Variants in KCNIP4 observed in about 807,000 individuals in gnomAD.
KCNIP4 encodes the protein potassium voltage-gated channel interacting protein 4, also known as Kv channel-interacting protein 4.
Under a neutral mutation model 34.0 loss-of-function variants are expected in KCNIP4, and 12 were observed. The observed-to-expected ratio is 0.35, with a 90% CI of 0.23 to 0.57. The LOEUF (loss-of-function observed/expected upper bound fraction) is 0.57. Ranked by LOEUF, KCNIP4 falls within the 20% of genes least tolerant of loss-of-function variation. The pLI, the probability that KCNIP4 is intolerant of heterozygous loss-of-function variation, is 0.83. For synonymous variants in KCNIP4, 124 were observed against 102.2 expected (o/e 1.21, Z -1.29); for missense variants, 238 against 311.7 (o/e 0.76, Z 1.78).
intron 1 of KCNIP4, among the ~76,000 whole-genome samples, chr4:21,365,835 C>A (rs1322132639): frequency 6.6e-6 from 1 of 152,174 alleles, no homozygotes; most frequent in Non-Finnish European, 1.5e-5. Context: ...CAGTTTTAAG[C>A]AGCTCATATC....
At chr4:21,885,424 C>T (rs1726709078) in intron 1 of KCNIP4, among the ~76,000 whole-genome samples, 2 of 152,180 alleles carry the variant, frequency 1.3e-5, no homozygotes, top group East Asian at 3.9e-4. Context: ...CTAAAAAATG[C>T]AGCCACATCT....
chr4:20,804,195 G>C (rs754595782), intron 3 of KCNIP4, among the ~76,000 whole-genome samples: 3 of 152,088 alleles, frequency 2.0e-5, no homozygotes, highest in Non-Finnish European at 4.4e-5. Flanking sequence ...GCATCAGATA[G>C]GTACTGTTAT....
At chr4:21,825,516 TA>T (rs1478154109) in intron 1 of KCNIP4, among the ~76,000 whole-genome samples, 3 of 152,146 alleles carry the variant, frequency 2.0e-5, no homozygotes, top group Admixed American at 6.6e-5. Flanking sequence ...CTTGTATATA[TA>T]AAGATTTTAT....
At chr4:20,859,560 T>A (rs1052427870) in intron 2 of KCNIP4, among the ~76,000 whole-genome samples, 15 of 152,164 alleles carry the variant, frequency 9.9e-5, no homozygotes. Context: ...GCTGAGTTTG[T>A]CCTAAGTCTG....
chr4:21,659,812 CTG>C (rs1412595997), intron 1 of KCNIP4, among the ~76,000 whole-genome samples: 1 of 152,108 alleles, frequency 6.6e-6, no homozygotes. Context: ...ATTAATCTTC[CTG>C]TGCTCTCATT....
At chr4:21,511,977 A>C (rs1467141920) in intron 1 of KCNIP4, among the ~76,000 whole-genome samples, 1 of 151,968 alleles carries the variant, frequency 6.6e-6, no homozygotes, top group Non-Finnish European at 1.5e-5. Flanking sequence ...GTAAAAGAGA[A>C]AGAAAAAAAG....
At chr4:21,822,227 A>T (rs1038912669) in intron 1 of KCNIP4, among the ~76,000 whole-genome samples, 1 of 152,192 alleles carries the variant, frequency 6.6e-6, no homozygotes, top group Non-Finnish European at 1.5e-5. Flanking sequence ...GCTTTCAGAA[A>T]ATTAAATGGC....
At chr4:21,674,575 A>C (rs1409944149) in intron 1 of KCNIP4, among the ~76,000 whole-genome samples, 1 of 152,182 alleles carries the variant, frequency 6.6e-6, no homozygotes, top group Non-Finnish European at 1.5e-5. Flanking sequence ...GCTCTTCCCA[A>C]CTGTAACCTC....
At chr4:21,706,669 G>A (rs1271493666) in intron 1 of KCNIP4, among the ~76,000 whole-genome samples, 2 of 152,156 alleles carry the variant, frequency 1.3e-5, no homozygotes, top group African/African-American at 4.8e-5. Context: ...AAGGAATGAC[G>A]AGTGTAGTGA....
chr4:21,177,877 T>TATATATATATATATATATAAA (rs1338439962), intron 1 of KCNIP4, among the ~76,000 whole-genome samples: 1 of 146,348 alleles, frequency 6.8e-6, no homozygotes, highest in African/African-American at 2.6e-5. Context: ...TATATATATA[T>TATATATATATATATATATAAA]AAAATATAAC....
chr4:20,873,024 A>G (rs568838699), intron 2 of KCNIP4, among the ~76,000 whole-genome samples: 2 of 152,264 alleles, frequency 1.3e-5, no homozygotes, highest in South Asian at 2.1e-4. Context: ...GAGTCACTTC[A>G]TCTCTTTCCT....
At chr4:21,920,358 T>G (rs143457410) in intron 1 of KCNIP4, among the ~76,000 whole-genome samples, 1 of 152,152 alleles carries the variant, frequency 6.6e-6, no homozygotes, top group African/African-American at 2.4e-5. Context: ...CTAAACTATA[T>G]AGAATTACAA....
chr4:21,704,797 A>T (rs1713136686), intron 1 of KCNIP4, among the ~76,000 whole-genome samples: 1 of 152,156 alleles, frequency 6.6e-6, no homozygotes, highest in Non-Finnish European at 1.5e-5. Flanking sequence ...ACTCTGGAAA[A>T]CAGTCTGGCG....
chr4:21,176,663 A>G (rs1754433189), intron 1 of KCNIP4, among the ~76,000 whole-genome samples: 1 of 152,206 alleles, frequency 6.6e-6, no homozygotes, highest in South Asian at 2.1e-4. Flanking sequence ...GCTGGGATTC[A>G]GGCATGTGCC....
intron 1 of KCNIP4, among the ~76,000 whole-genome samples, chr4:21,079,638 GT>G (rs201659266): frequency 0.027 from 4,161 of 151,884 alleles, 78 homozygotes; most frequent in Non-Finnish European, 0.042. Context: ...CTGTGAATAT[GT>G]TATGTTACAT....
intron 1 of KCNIP4, among the ~76,000 whole-genome samples, chr4:21,693,069 CT>C (rs1711853725): frequency 6.6e-6 from 1 of 151,998 alleles, no homozygotes; most frequent in South Asian, 2.1e-4. Flanking sequence ...CAGAAACAAA[CT>C]TTGTTCAAGT....
At chr4:21,114,254 A>G (rs1320661977) in intron 1 of KCNIP4, among the ~76,000 whole-genome samples, 4 of 152,216 alleles carry the variant, frequency 2.6e-5, no homozygotes, top group Admixed American at 2.6e-4. Flanking sequence ...TTTTAAACAA[A>G]CAAACAAACA....
intron 2 of KCNIP4, among the ~76,000 whole-genome samples, chr4:20,871,310 T>C (rs1169978553): frequency 6.6e-6 from 1 of 152,112 alleles, no homozygotes; most frequent in Non-Finnish European, 1.5e-5. Context: ...GTTCTGAAGT[T>C]GATAAGCACA....
intron 1 of KCNIP4, among the ~76,000 whole-genome samples, chr4:21,354,825 C>A (rs918585238): frequency 2.0e-5 from 3 of 152,206 alleles, no homozygotes; most frequent in African/African-American, 4.8e-5. Flanking sequence ...AACTCTCCAC[C>A]TGAAATCAAC....
Sources: gnomAD v4.1 joint callset for allele counts (sites outside exome capture counted in the v4.1 genomes callset) on GRCh38, gnomAD v4.1.1 for gene constraint, MANE v1.5 for transcripts, NCBI Gene and HGNC (gene_info 2026-07-23, HGNC 2026-07-21) for gene names.